ADAM7: variants seen among roughly 807,000 people sequenced by gnomAD.
ADAM7 encodes the protein ADAM metallopeptidase domain 7, also known as disintegrin and metalloproteinase domain-containing protein 7.
ADAM7 carries 97 observed loss-of-function variants against 102.9 expected under a neutral mutation model. The observed-to-expected ratio is 0.94, with a 90% CI of 0.80 to 1.12. The LOEUF is 1.12. Ranked by LOEUF, ADAM7 falls within the 50% of genes most tolerant of loss-of-function variation. The pLI is 0.00. For synonymous variants in ADAM7, 334 were observed against 304.4 expected (o/e 1.10, Z -1.01); for missense variants, 991 against 908.7 (o/e 1.09, Z -1.16).
chr8:24,484,256 T>G (rs1484757702), intron 9 of ADAM7, among the ~76,000 whole-genome samples: 3 of 151,956 alleles, frequency 2.0e-5, no homozygotes, highest in Non-Finnish European at 2.9e-5. Flanking sequence ...AAAAATGGAG[T>G]GTATCTTAAT....
chr8:24,505,475 G>A (rs914278543), intron 20 of ADAM7, among the ~76,000 whole-genome samples: 10 of 152,082 alleles, frequency 6.6e-5, no homozygotes, highest in African/African-American at 1.7e-4. Context: ...TAGGGTTTTT[G>A]TATTTTTTGG....
chr8:24,507,028 T>C (rs1820974584), intron 20 of ADAM7, among the ~76,000 whole-genome samples: 1 of 152,138 alleles, frequency 6.6e-6, no homozygotes, highest in African/African-American at 2.4e-5. Flanking sequence ...AATCCTCAGA[T>C]CACACAAAAG....
chr8:24,504,023 AAAAATAAAATAAAAT>A (rs140673463), intron 20 of ADAM7, among the ~76,000 whole-genome samples: 39,496 of 145,632 alleles, frequency 0.27, 6,199 homozygotes, highest in South Asian at 0.39. Context: ...CTTCAAGTAC[AAAAATAAAATAAAAT>A]AAAATAAAAT....
Position 24,482,324 on chromosome 8 carries a change from T to C in ADAM7, c.875+13T>C. On this transcript the variant is annotated intron_variant, in intron 9 of 21. Coordinates refer to ENST00000175238, the MANE Select transcript of ADAM7 (RefSeq NM_003817.4). ...TTGTATTACTCAGGTTGGTGATTGC[T>C]CTATTTTCTTGCATACCTTTGGTGG... 6.3e-7 allele frequency: 1 copy of C among 1,597,878 alleles called. No individual in the cohort carries two copies.
chr8:24,490,914 T>G (rs751662948), intron 13 of ADAM7, 26 bp downstream of exon 13: 3 of 1,599,518 alleles, frequency 1.9e-6, no homozygotes, highest in South Asian at 1.1e-5. Flanking sequence ...AGGAGAAGGT[T>G]TTTTTTTTTC....
At chr8:24,496,189 G>A (rs1220962098) in intron 16 of ADAM7, among the ~76,000 whole-genome samples, 2 of 152,228 alleles carry the variant, frequency 1.3e-5, no homozygotes, top group South Asian at 4.1e-4. Flanking sequence ...GGCCTTGGCA[G>A]CCTTCATGTG....
Position 24,492,571 on chromosome 8 carries a change from A to G in ADAM7, c.1629A>G (p.Glu543=), listed in dbSNP as rs746759074. ...GNKFGYCKNK[E]NRFLPCEEKD... ...AATTTGGATACTGCAAAAACAAGGA[A>G]AACAGATTTCTTCCCTGTGAGGAGA... The change falls in exon 15 of 22, where the codon GAA becomes GAG. Residue 543 remains glutamate (E), a synonymous_variant. Transcript: ENST00000175238. The G allele has an allele frequency of 6.2e-7, 1 of 1,613,012 alleles. No individual in the cohort carries two copies. Among genetic ancestry groups the G allele is most frequent in the East Asian group, 2.2e-5 (1 of 44,810 alleles).
In ADAM7 at chr8:24,474,118, C is replaced by A. The variant is rs942686593; in HGVS notation, c.634-2315C>A. ...TCAACATTTTTACTGAAATTCCCAG[C>A]CAATGTAATAAAAAAGGTAAGACCC... On this transcript the variant is annotated intron_variant, in intron 7 of 21. Coordinates refer to ENST00000175238, the MANE Select transcript of ADAM7 (RefSeq NM_003817.4). Among the ~76,000 whole-genome samples, 9 of 151,924 alleles carry A rather than the reference C, an allele frequency of 5.9e-5. No individual in the cohort carries two copies. The South Asian group carries it at 1.0e-3, about 17-fold the overall frequency.
intron 3 of ADAM7, among the ~76,000 whole-genome samples, chr8:24,450,860 G>T (rs1008659012): frequency 2.6e-5 from 4 of 152,104 alleles, no homozygotes; most frequent in African/African-American, 9.7e-5. Flanking sequence ...TTAGCATGAA[G>T]GGTTGTTGAA....
chr8:24,451,366 G>A (rs529599432), intron 3 of ADAM7, among the ~76,000 whole-genome samples: 102 of 152,212 alleles, frequency 6.7e-4, no homozygotes, highest in African/African-American at 2.2e-3. Flanking sequence ...ACTTCTTCCT[G>A]GTTTAGTCTT....
intron 3 of ADAM7, among the ~76,000 whole-genome samples, chr8:24,463,470 C>G (rs1475172375): frequency 1.3e-5 from 2 of 152,096 alleles, no homozygotes; most frequent in East Asian, 3.9e-4. Flanking sequence ...TTACTTTTAT[C>G]TAAATATGTA....
At chr8:24,499,469 C>G (rs1167195804) in intron 17 of ADAM7, among the ~76,000 whole-genome samples, 153 bp downstream of exon 17, 1 of 151,810 alleles carries the variant, frequency 6.6e-6, no homozygotes, top group Admixed American at 6.6e-5. Flanking sequence ...CATGTGTTAT[C>G]AACAAAATTT....
intron 8 of ADAM7, among the ~76,000 whole-genome samples, chr8:24,480,675 G>C (rs1001283472): frequency 6.6e-6 from 1 of 151,986 alleles, no homozygotes; most frequent in South Asian, 2.1e-4. Context: ...GAATAGAGAG[G>C]GTCTGAAAAT....
At chr8:24,473,641 C>T (rs1410342592) in intron 7 of ADAM7, among the ~76,000 whole-genome samples, 1 of 152,086 alleles carries the variant, frequency 6.6e-6, no homozygotes, top group Non-Finnish European at 1.5e-5. Context: ...CAGTAACAAT[C>T]TATGACAACT....
At chr8:24,457,855 T>TGTGTGTGA (rs1554538191) in intron 3 of ADAM7, among the ~76,000 whole-genome samples, 10,208 of 109,288 alleles carry the variant, frequency 0.093, 436 homozygotes, top group Admixed American at 0.14. Context: ...TATGTGCATA[T>TGTGTGTGA]GTGTGTGAGT....
At chr8:24,490,910 A>G in intron 13 of ADAM7, 22 bp downstream of exon 13, 1 of 1,605,006 alleles carries the variant, frequency 6.2e-7, no homozygotes, top group East Asian at 2.2e-5. Context: ...TGCCAGGAGA[A>G]GGTTTTTTTT....
At position 24,499,207 on chromosome 8, in the gene ADAM7, T is replaced by G. The variant is rs762668236; in HGVS notation, c.1843-29T>G. 5 of 1,516,954 alleles carry G rather than the reference T, an allele frequency of 3.3e-6. No homozygotes were observed. In the South Asian group the frequency reaches 6.5e-5, roughly 20 times the overall value. The allele number at this position is 1,516,954 out of a possible 1,614,324, so 94.0% of individuals were successfully genotyped here. On this transcript the variant is annotated intron_variant, in intron 16 of 21. Coordinates refer to ENST00000175238, the MANE Select transcript of ADAM7 (RefSeq NM_003817.4). ...ATTTCACATCAATTGTAAGTCATTT[T>G]AATTCATGCTTGGTTACTTCATTTC... is the stretch of plus-strand genomic sequence containing the variant.
chr8:24,508,733 C>A lies in ADAM7; in HGVS notation c.*187C>A, dbSNP rs969375379. 1 of 1,418,280 alleles carries A rather than the reference C, an allele frequency of 7.1e-7. No individual in the cohort carries two copies. The highest frequency in any genetic ancestry group is 9.2e-7 in the Non-Finnish European group (1 of 1,084,054). 87.9% of individuals were successfully genotyped at this position (1,418,280 alleles called of 1,614,324 possible). A position where few individuals can be genotyped will look rare whatever the true frequency, so the allele number is the denominator to read the frequency against. ...TGTTAATATTTACCGGTAGAATTCA[C>A]ACCCTCTATCATAAACATATGCTGC... On this transcript the variant is annotated 3_prime_UTR_variant, in exon 22 of 22. Transcript: ENST00000175238.
At chr8:24,474,067 A>C (rs1049794188) in intron 7 of ADAM7, among the ~76,000 whole-genome samples, 3 of 152,160 alleles carry the variant, frequency 2.0e-5, no homozygotes, top group African/African-American at 7.2e-5. Context: ...AATAAGGTAC[A>C]TTTGTTCATT....
Sources: allele counts gnomAD v4.1 joint callset (sites outside exome capture counted in the v4.1 genomes callset), GRCh38; gene constraint gnomAD v4.1.1; transcripts MANE v1.5; gene names NCBI Gene and HGNC (gene_info 2026-07-23, HGNC 2026-07-21).